PRKCE: variants seen among roughly 807,000 people sequenced by gnomAD.
The protein encoded by PRKCE is protein kinase C epsilon type.
A neutral mutation model predicts 85.4 loss-of-function variants in PRKCE; 16 were observed. The observed-to-expected ratio is 0.19, with a 90% CI of 0.13 to 0.28. PRKCE has a LOEUF of 0.28. PRKCE is among the 10% of genes least tolerant of loss of function. The pLI is 1.00. For missense variants in PRKCE, 573 were observed against 975.2 expected, an observed-to-expected ratio of 0.59 and a Z score of 5.49; for synonymous variants, 388 against 371.5, an observed-to-expected ratio of 1.04 and a Z score of -0.51.
chr2:45,910,365 G>T (rs1255342344), intron 2 of PRKCE, among the ~76,000 whole-genome samples: 1 of 152,148 alleles, frequency 6.6e-6, no homozygotes, highest in East Asian at 1.9e-4. Context: ...TGCTAAGACA[G>T]GAAGCCCACC....
At chr2:45,723,524 A>G (rs1292159429) in intron 1 of PRKCE, among the ~76,000 whole-genome samples, 1 of 152,066 alleles carries the variant, frequency 6.6e-6, no homozygotes, top group East Asian at 1.9e-4. Context: ...AATAGTCACG[A>G]TTTACCGTTC....
At chr2:46,045,190 A>G (rs1435196485) in intron 10 of PRKCE, among the ~76,000 whole-genome samples, 1 of 152,220 alleles carries the variant, frequency 6.6e-6, no homozygotes, top group African/African-American at 2.4e-5. Flanking sequence ...CCATTGGGGA[A>G]CATTTAATTT....
chr2:45,971,849 A>G (rs1702131769), intron 2 of PRKCE, among the ~76,000 whole-genome samples: 2 of 152,128 alleles, frequency 1.3e-5, no homozygotes, highest in South Asian at 2.1e-4. Context: ...TATTTTTTTA[A>G]CCATTCATCC....
In PRKCE at chr2:45,715,656, C is replaced by G. The variant is rs545027982; in HGVS notation, c.348+63208C>G. On this transcript the variant is annotated intron_variant, in intron 1 of 14. Transcript: ENST00000306156. ...TAAGGTGTCAAGTCCCTTTTAAAAA[C>G]AACATCTGCATGGTAAGGTATAAAG... Among the ~76,000 whole-genome samples the G allele has an allele frequency of 7.2e-4, 109 of 152,312 alleles. 2 individuals carry two copies. The highest frequency in any genetic ancestry group is 9.0e-4 in the Non-Finnish European group (61 of 68,032).
At chr2:45,977,006 C>T (rs565890316) in intron 3 of PRKCE, among the ~76,000 whole-genome samples, 2 of 151,936 alleles carry the variant, frequency 1.3e-5, no homozygotes, top group African/African-American at 4.8e-5. Flanking sequence ...AAGTGATTCT[C>T]ATGCCTCAGC....
At chr2:45,967,846 A>T (rs1266049579) in intron 2 of PRKCE, among the ~76,000 whole-genome samples, 1 of 152,320 alleles carries the variant, frequency 6.6e-6, no homozygotes, top group East Asian at 1.9e-4. Context: ...TTGTTCAAGG[A>T]TATGAGGCAG....
intron 1 of PRKCE, among the ~76,000 whole-genome samples, chr2:45,775,891 G>T (rs1330128951): frequency 6.6e-6 from 1 of 152,084 alleles, no homozygotes; most frequent in Non-Finnish European, 1.5e-5. Context: ...CCTCCCACTG[G>T]CCTCCTTGCA....
chr2:46,079,817 G>C (rs2103829900), intron 10 of PRKCE, among the ~76,000 whole-genome samples: 1 of 152,350 alleles, frequency 6.6e-6, no homozygotes, highest in Non-Finnish European at 1.5e-5. Context: ...TCTCTTCAAA[G>C]ACAGGAAAGA....
At chr2:45,695,641 T>C (rs1360398547) in intron 1 of PRKCE, among the ~76,000 whole-genome samples, 2 of 152,126 alleles carry the variant, frequency 1.3e-5, no homozygotes, top group Admixed American at 1.3e-4. Flanking sequence ...GGTGTGATGG[T>C]ATGTGCTTGT....
At chr2:45,917,736 G>C (rs1326507618) in intron 2 of PRKCE, among the ~76,000 whole-genome samples, 1 of 152,224 alleles carries the variant, frequency 6.6e-6, no homozygotes, top group East Asian at 1.9e-4. Context: ...CGCTCGTCGG[G>C]GAGGCTCCGG....
chr2:45,790,099 T>C (rs1320996966), intron 1 of PRKCE, among the ~76,000 whole-genome samples: 1 of 152,186 alleles, frequency 6.6e-6, no homozygotes, highest in Non-Finnish European at 1.5e-5. Context: ...TTGTGATGGC[T>C]CTTGGGACAG....
At chr2:45,933,195 A>G (rs1250120126) in intron 2 of PRKCE, among the ~76,000 whole-genome samples, 1 of 152,166 alleles carries the variant, frequency 6.6e-6, no homozygotes, top group Non-Finnish European at 1.5e-5. Flanking sequence ...GATGATTTTT[A>G]GAAGGTCTTC....
At chr2:46,052,853 C>T (rs1708941381) in intron 10 of PRKCE, among the ~76,000 whole-genome samples, 1 of 151,122 alleles carries the variant, frequency 6.6e-6, no homozygotes, top group Non-Finnish European at 1.5e-5. Flanking sequence ...AACACTTAAC[C>T]TTTATCATCA....
At position 45,839,963 on chromosome 2, in the gene PRKCE, G is replaced by T. The variant is rs186383394; in HGVS notation, c.349-3037G>T. ...GTGGGTGCTAAAATGCTTTCTGATT[G>T]CTATCTTGAATGTTAATATCCGAAT... On this transcript the variant is annotated intron_variant, in intron 1 of 14. Transcript: ENST00000306156. 1.0e-3 allele frequency among the ~76,000 whole-genome samples: 152 copies of T among 152,300 alleles called. 1 individual carries two copies. Among genetic ancestry groups the T allele is most frequent in the Middle Eastern group, 3.4e-3 (1 of 294 alleles).
At chr2:46,043,399 C>T (rs1040132189) in intron 10 of PRKCE, among the ~76,000 whole-genome samples, 1 of 152,170 alleles carries the variant, frequency 6.6e-6, no homozygotes, top group Non-Finnish European at 1.5e-5. Flanking sequence ...GTCACACATA[C>T]AGTAACTATT....
chr2:45,940,381 G>A (rs1000132788), intron 2 of PRKCE, among the ~76,000 whole-genome samples: 2 of 152,214 alleles, frequency 1.3e-5, no homozygotes, highest in African/African-American at 4.8e-5. Flanking sequence ...TATGAAGCAA[G>A]AACATGATTT....
intron 11 of PRKCE, among the ~76,000 whole-genome samples, chr2:46,104,119 T>C (rs1221000855): frequency 6.6e-6 from 1 of 152,202 alleles, no homozygotes; most frequent in African/African-American, 2.4e-5. Context: ...CTCTGCCAGA[T>C]TGCCTAATGT....
intron 2 of PRKCE, among the ~76,000 whole-genome samples, chr2:45,953,598 C>T (rs979822794): frequency 6.6e-6 from 1 of 152,200 alleles, no homozygotes; most frequent in African/African-American, 2.4e-5. Flanking sequence ...AAGTCACCGG[C>T]TTGATCAGTG....
At chr2:45,978,943 C>CT in intron 3 of PRKCE, 33 bp from the exon 4 acceptor site, 2 of 1,595,664 alleles carry the variant, frequency 1.3e-6, no homozygotes, top group Admixed American at 1.7e-5. Flanking sequence ...TAAGATTTCA[C>CT]TTTTTTTAAA....
Sources: gnomAD v4.1 joint callset for allele counts (sites outside exome capture counted in the v4.1 genomes callset) on GRCh38, gnomAD v4.1.1 for gene constraint, MANE v1.5 for transcripts, NCBI Gene and HGNC (gene_info 2026-07-23, HGNC 2026-07-21) for gene names.